MYO3B: variants seen among roughly 807,000 people sequenced by gnomAD.
MYO3B encodes the protein myosin-IIIb.
A neutral mutation model predicts 174.6 loss-of-function variants in MYO3B; 156 were observed. That is an observed-to-expected ratio of 0.89 (90% CI 0.78 to 1.02). The LOEUF (loss-of-function observed/expected upper bound fraction) is 1.02. MYO3B is among the 50% of genes least tolerant of loss of function. The probability of loss-of-function intolerance (pLI) is 0.00; values close to 1 mark genes in which losing one functional copy is unlikely to be tolerated. For missense variants in MYO3B, 1,632 were observed against 1,639.4 expected, an observed-to-expected ratio of 1.00 and a Z score of 0.08; for synonymous variants, 563 against 569.1, an observed-to-expected ratio of 0.99 and a Z score of 0.15.
chr2:170,622,577 T>G (rs1696020308), intron 32 of MYO3B, among the ~76,000 whole-genome samples: 1 of 150,834 alleles, frequency 6.6e-6, no homozygotes, highest in Non-Finnish European at 1.5e-5. Flanking sequence ...ATATACATTT[T>G]TTTTTATTAT....
chr2:170,442,175 G>A (rs1387526214), intron 22 of MYO3B, among the ~76,000 whole-genome samples: 1 of 151,862 alleles, frequency 6.6e-6, no homozygotes, highest in Non-Finnish European at 1.5e-5. Context: ...ATGAATTTAT[G>A]CTTACTTTAT....
At chr2:170,592,790 C>T (rs1476961992) in intron 32 of MYO3B, among the ~76,000 whole-genome samples, 2 of 152,118 alleles carry the variant, frequency 1.3e-5, no homozygotes, top group African/African-American at 4.8e-5. Flanking sequence ...ATGAATGAAT[C>T]ACTCACCAAC....
chr2:170,598,696 T>C (rs1045063218), intron 32 of MYO3B, among the ~76,000 whole-genome samples: 41 of 152,198 alleles, frequency 2.7e-4, no homozygotes, highest in Non-Finnish European at 5.3e-4. Context: ...ATGTGGGCTC[T>C]GGACTTACAT....
chr2:170,423,460 G>T (rs2094634757), intron 22 of MYO3B, among the ~76,000 whole-genome samples: 1 of 152,028 alleles, frequency 6.6e-6, no homozygotes, highest in Non-Finnish European at 1.5e-5. Context: ...GGGTAGCACA[G>T]AATAATTCTG....
chr2:170,183,892 G>A (rs1173349559), intron 1 of MYO3B, among the ~76,000 whole-genome samples: 1 of 124,956 alleles, frequency 8.0e-6, no homozygotes, highest in Non-Finnish European at 1.8e-5. Flanking sequence ...CTAAAAATTA[G>A]ATATTAAAAC....
intron 30 of MYO3B, among the ~76,000 whole-genome samples, chr2:170,533,945 G>A (rs1286923582): frequency 1.3e-5 from 2 of 152,020 alleles, no homozygotes; most frequent in African/African-American, 4.8e-5. Flanking sequence ...TGCCATATTT[G>A]GCAAATAAAA....
chr2:170,437,344 CAG>C (rs1220413604), intron 22 of MYO3B, among the ~76,000 whole-genome samples: 2 of 152,108 alleles, frequency 1.3e-5, no homozygotes, highest in African/African-American at 4.8e-5. Context: ...GAGAAAATGA[CAG>C]ATGCAGGAAT....
chr2:170,649,205 A>T (rs1397944188), intron 32 of MYO3B, among the ~76,000 whole-genome samples: 1 of 35,420 alleles, frequency 2.8e-5, no homozygotes, highest in Non-Finnish European at 4.3e-5. Flanking sequence ...TTATATATAA[A>T]ATAATATATA....
intron 32 of MYO3B, among the ~76,000 whole-genome samples, chr2:170,650,247 G>T (rs1698902400): frequency 6.6e-6 from 1 of 151,822 alleles, no homozygotes; most frequent in Admixed American, 6.6e-5. Flanking sequence ...TGGCCAGGCT[G>T]GGTTCTGATA....
At chr2:170,469,945 A>T (rs1490813904) in intron 25 of MYO3B, among the ~76,000 whole-genome samples, 3 of 151,242 alleles carry the variant, frequency 2.0e-5, no homozygotes, top group Admixed American at 6.6e-5. Flanking sequence ...TCTACTAAAA[A>T]TACAAAATTA....
At chr2:170,273,607 A>G (rs920880814) in intron 7 of MYO3B, among the ~76,000 whole-genome samples, 11 of 152,028 alleles carry the variant, frequency 7.2e-5, no homozygotes, top group African/African-American at 2.4e-4. Context: ...TGGGATGCTC[A>G]TTTCTTCCTT....
intron 32 of MYO3B, among the ~76,000 whole-genome samples, chr2:170,630,629 TAGG>T (rs1456015291): frequency 2.0e-5 from 3 of 152,182 alleles, no homozygotes; most frequent in African/African-American, 7.2e-5. Flanking sequence ...GTAGCCTAAC[TAGG>T]AGACACCTCC....
intron 30 of MYO3B, among the ~76,000 whole-genome samples, chr2:170,537,456 T>TTTC (rs1689793859): frequency 1.5e-5 from 1 of 68,478 alleles, no homozygotes; most frequent in Non-Finnish European, 2.9e-5. Context: ...TGATTTTTTT[T>TTTC]TTTTTTTTTT....
chr2:170,366,299 G>GT (rs958066794), intron 8 of MYO3B, among the ~76,000 whole-genome samples: 6 of 151,664 alleles, frequency 4.0e-5, no homozygotes, highest in Non-Finnish European at 5.9e-5. Flanking sequence ...TTTTTTGTTT[G>GT]TTTTTTGTTT....
chr2:170,534,106 G>A (rs1689531928), intron 30 of MYO3B, among the ~76,000 whole-genome samples: 1 of 152,152 alleles, frequency 6.6e-6, no homozygotes, highest in Non-Finnish European at 1.5e-5. Context: ...ACACTTCACA[G>A]ATGTTGTGTT....
intron 14 of MYO3B, among the ~76,000 whole-genome samples, chr2:170,387,600 G>C (rs2094385612): frequency 6.6e-6 from 1 of 152,044 alleles, no homozygotes; most frequent in Non-Finnish European, 1.5e-5. Context: ...AAAACCCTGA[G>C]GCCCCTTAAA....
In MYO3B at chr2:170,633,320, G is replaced by A. The variant is rs371543585; in HGVS notation, c.3734-18308G>A. Among the ~76,000 whole-genome samples, 21 of 152,228 alleles carry A rather than the reference G, an allele frequency of 1.4e-4. No individual in the cohort carries two copies. In the South Asian group the frequency reaches 3.9e-3, roughly 29 times the overall value. On this transcript the variant is annotated intron_variant, in intron 32 of 34. Transcript: ENST00000408978. The stretch of plus-strand genomic sequence containing the variant: ...TGGATGCAAGGCTGGTTCAACATAC[G>A]CAAATCAATAAACTTAATCCATCAT...
chr2:170,602,121 G>A, intron 32 of MYO3B: 1 of 1,225,546 alleles, frequency 8.2e-7, no homozygotes, highest in Non-Finnish European at 1.2e-6. Context: ...CTGAGAAGTT[G>A]ACTGAGGCAT....
chr2:170,607,613 A>C (rs1041521886), intron 32 of MYO3B, among the ~76,000 whole-genome samples: 17 of 152,200 alleles, frequency 1.1e-4, no homozygotes, highest in African/African-American at 4.1e-4. Flanking sequence ...TAGGAACACA[A>C]ATATTTAGTG....
Sources: allele counts gnomAD v4.1 joint callset (sites outside exome capture counted in the v4.1 genomes callset), GRCh38; gene constraint gnomAD v4.1.1; transcripts MANE v1.5; gene names NCBI Gene and HGNC (gene_info 2026-07-23, HGNC 2026-07-21).